YEATS2: variants seen among roughly 807,000 people sequenced by gnomAD.
YEATS2 encodes YEATS domain-containing protein 2.
YEATS2 carries 77 observed loss-of-function variants against 163.2 expected under a neutral mutation model. The ratio of observed to expected loss-of-function variants is 0.47; its 90% confidence interval spans 0.39 to 0.57. The LOEUF (loss-of-function observed/expected upper bound fraction) is 0.57. YEATS2 is among the 20% of genes least tolerant of loss of function. The pLI is 0.00. For missense variants in YEATS2, 1,549 were observed against 1,729.8 expected (o/e 0.90, Z 1.85); for synonymous variants, 631 against 645.1 (o/e 0.98, Z 0.33).
At chr3:183,704,810 G>C (rs920324515) in intron 1 of YEATS2, among the ~76,000 whole-genome samples, 2 of 151,960 alleles carry the variant, frequency 1.3e-5, no homozygotes, top group African/African-American at 4.8e-5. Context: ...TGTATTTTTA[G>C]TAGAGACGGG....
At chr3:183,722,280 T>TTTTTG in intron 5 of YEATS2, 144 bp downstream of exon 5, 1 of 45,212 alleles carries the variant, frequency 2.2e-5, no homozygotes, top group African/African-American at 1.1e-4. Flanking sequence ...AACCAAATCT[T>TTTTTG]TTTTTTTTTT....
At position 183,746,681 on chromosome 3, in the gene YEATS2, A is replaced by G. The variant is rs560157386; in HGVS notation, c.925-991A>G. Among the ~76,000 whole-genome samples, 3 of 146,892 alleles carry G rather than the reference A, an allele frequency of 2.0e-5. No individual in the cohort carries two copies. In the South Asian group the frequency reaches 6.4e-4, roughly 31 times the overall value. On this transcript the variant is annotated intron_variant, in intron 8 of 30. Coordinates refer to ENST00000305135, the MANE Select transcript of YEATS2 (RefSeq NM_018023.5). ...CCTTTTTTTTTTTTTTTTAGCAGTC[A>G]TACTGTTAGCTAAGGTTTAAATATT...
At chr3:183,765,162 T>C (rs776119311) in intron 15 of YEATS2, among the ~76,000 whole-genome samples, 1 of 152,168 alleles carries the variant, frequency 6.6e-6, no homozygotes, top group Non-Finnish European at 1.5e-5. Context: ...CCAAAATCCC[T>C]TAGTAAATCA....
chr3:183,722,265 G>A, intron 5 of YEATS2, 129 bp downstream of exon 5: 1 of 846,494 alleles, frequency 1.2e-6, no homozygotes. Flanking sequence ...CTTTTATAAT[G>A]GGGAAACCAA....
chr3:183,697,973 A>T lies in YEATS2; in HGVS notation c.-40A>T, dbSNP rs1018474182. 4 of 151,824 alleles carry T rather than the reference A, an allele frequency of 2.6e-5. No individual in the cohort carries two copies. The highest frequency in any genetic ancestry group is 5.9e-5 in the Non-Finnish European group (4 of 67,934). The allele number at this position is 151,824 out of a possible 1,614,324, so 9.4% of individuals were successfully genotyped here. On this transcript the variant is annotated 5_prime_UTR_variant, in exon 1 of 31. Coordinates refer to ENST00000305135, the MANE Select transcript of YEATS2 (RefSeq NM_018023.5). The stretch of plus-strand genomic sequence containing the variant: ...CGGCGGCCGGCGGGGCCCGCGCTGC[A>T]GCCGGAGACCCGGAGAAAGGGTGAG...
At position 183,804,083 on chromosome 3, in the gene YEATS2, G is replaced by A. The variant is rs778308972; in HGVS notation, c.3679G>A (p.Ala1227Thr). Reference sequence around the variant, plus strand: ...GACTCCCCTCAAAACCAAGCACATCGCTCACTGGTGCCGCTGTCATGGCTA... The same window carrying A: ...GACTCCCCTCAAAACCAAGCACATCACTCACTGGTGCCGCTGTCATGGCTA... ...HLTPLKTKHI[A>T]HWCRCHGYTP... The change falls in exon 27 of 31, where the codon GCT becomes ACT. Residue 1227 changes from alanine to threonine, a missense_variant. By Grantham distance (58) the Ala-to-Thr change is moderately conservative. Coordinates refer to ENST00000305135, the MANE Select transcript of YEATS2 (RefSeq NM_018023.5). 6.8e-6 allele frequency: 11 copies of A among 1,613,966 alleles called. No individual in the cohort carries two copies. The highest frequency in any genetic ancestry group is 1.7e-5 in the Admixed American group (1 of 59,988).
chr3:183,786,068 G>A, intron 19 of YEATS2, 57 bp from the exon 20 acceptor site: 1 of 1,561,516 alleles, frequency 6.4e-7, no homozygotes, highest in Non-Finnish European at 8.7e-7. Flanking sequence ...AGTAAGGAAT[G>A]AGTTATGTCT....
chr3:183,715,357 T>C (rs779566363), intron 2 of YEATS2, 95 bp downstream of exon 2: 5 of 922,132 alleles, frequency 5.4e-6, no homozygotes, highest in East Asian at 2.6e-5. Context: ...TCCACTGTTA[T>C]GTATAATTTG....
At chr3:183,716,906 G>T (rs2109033224) in intron 2 of YEATS2, among the ~76,000 whole-genome samples, 2 of 149,690 alleles carry the variant, frequency 1.3e-5, no homozygotes, top group Middle Eastern at 3.5e-3. Flanking sequence ...TGTTTTGTTT[G>T]TGTCTTTTTT....
chr3:183,698,608 A>G (rs1332868672), intron 1 of YEATS2, among the ~76,000 whole-genome samples: 1 of 152,230 alleles, frequency 6.6e-6, no homozygotes, highest in Admixed American at 6.5e-5. Context: ...GATTATGTTA[A>G]GAAATAGAAA....
In YEATS2 at chr3:183,777,585, A is replaced by G. The variant is rs377089657; in HGVS notation, c.2621A>G (p.Lys874Arg). The part of the protein sequence containing the change: ...VGQPSPQTSG[K>R]QLTTGSVVQG... ...CAGCCATCACCCCAGACTTCTGGAA[A>G]ACAACTCACCACTGGGTCAGTGGTC... The change falls in exon 19 of 31, where the codon AAA becomes AGA. Residue 874 changes from lysine (K) to arginine (R), a missense_variant. By Grantham distance (26) the Lys-to-Arg change is conservative. Transcript: ENST00000305135. 3.1e-6 allele frequency: 5 copies of G among 1,614,128 alleles called. No individual in the cohort carries two copies. The highest frequency in any genetic ancestry group is 1.3e-5 in the African/African-American group (1 of 75,014).
chr3:183,768,845 GC>G (rs1160957537), intron 15 of YEATS2, among the ~76,000 whole-genome samples: 1 of 152,108 alleles, frequency 6.6e-6, no homozygotes. Flanking sequence ...GGTGGCGTGT[GC>G]CCATAATCCC....
intron 8 of YEATS2, among the ~76,000 whole-genome samples, chr3:183,740,063 CA>C (rs1245305909): frequency 1.6e-5 from 2 of 128,068 alleles, no homozygotes; most frequent in African/African-American, 5.9e-5. Flanking sequence ...ACTTCATGTC[CA>C]AAACACCAAA....
chr3:183,772,355 T>C lies in YEATS2; in HGVS notation c.1998T>C (p.Ala666=). The stretch of plus-strand genomic sequence containing the variant: ...CTTTACCTTCAACAGTGAAGCAGGC[T>C]GTGGCGATCAGTGGTGGCCAGATCC... ...GSALPSTVKQ[A]VAISGGQILV... Residue 666 remains alanine, a synonymous_variant, in exon 16 of 31, where the codon GCT becomes GCC. Coordinates refer to ENST00000305135, the MANE Select transcript of YEATS2 (RefSeq NM_018023.5). 1 of 1,614,222 alleles carries C rather than the reference T, an allele frequency of 6.2e-7. No homozygotes were observed. Among genetic ancestry groups the C allele is most frequent in the South Asian group, 1.1e-5 (1 of 91,086 alleles).
chr3:183,746,039 G>T (rs1428888014), intron 8 of YEATS2, among the ~76,000 whole-genome samples: 1 of 152,038 alleles, frequency 6.6e-6, no homozygotes, highest in Admixed American at 6.6e-5. Flanking sequence ...TCGCCATGTT[G>T]CCCAGGCTGG....
intron 15 of YEATS2, among the ~76,000 whole-genome samples, chr3:183,771,435 G>A (rs554449571): frequency 5.0e-5 from 7 of 141,076 alleles, no homozygotes; most frequent in African/African-American, 1.8e-4. Context: ...ACACTCCTGA[G>A]TATTTTCTTA....
In YEATS2 at chr3:183,810,659, A is replaced by C; in HGVS notation, c.*76A>C. On this transcript the variant is annotated 3_prime_UTR_variant, in exon 31 of 31. Transcript: ENST00000305135. ...TAACTGAGGACCCTGCTGCTCGGGA[A>C]GGAGGTGGTTTCCAGTGTGACTCGG... 3 of 1,380,396 alleles carry C rather than the reference A, an allele frequency of 2.2e-6. No individual in the cohort carries two copies. The highest frequency in any genetic ancestry group is 3.0e-6 in the Non-Finnish European group (3 of 983,886). The allele number at this position is 1,380,396 out of a possible 1,614,324, so 85.5% of individuals were successfully genotyped here. A position where few individuals can be genotyped will look rare whatever the true frequency, so the allele number is the denominator to read the frequency against.
intron 25 of YEATS2, chr3:183,801,807 T>C: frequency 3.5e-6 from 1 of 286,948 alleles, no homozygotes; most frequent in South Asian, 5.0e-5. Context: ...TGTATTAGCA[T>C]TTGGTGTTTA....
intron 1 of YEATS2, among the ~76,000 whole-genome samples, chr3:183,713,068 G>T (rs942018068): frequency 3.9e-5 from 6 of 152,032 alleles, no homozygotes; most frequent in African/African-American, 1.5e-4. Flanking sequence ...TACATGGCCT[G>T]TACAGGCCGC....
Sources: allele counts gnomAD v4.1 joint callset (sites outside exome capture counted in the v4.1 genomes callset), GRCh38; gene constraint gnomAD v4.1.1; transcripts MANE v1.5; gene names NCBI Gene and HGNC (gene_info 2026-07-23, HGNC 2026-07-21).